The following TTLL12 variants were observed in gnomAD, a reference collection of about 807,000 sequenced individuals.
The protein encoded by TTLL12 is tubulin--tyrosine ligase-like protein 12.
A neutral mutation model predicts 79.6 loss-of-function variants in TTLL12; 77 were observed. The ratio of observed to expected loss-of-function variants is 0.97; its 90% confidence interval spans 0.81 to 1.17. The LOEUF is 1.17. TTLL12 is among the 50% of genes most tolerant of loss of function. The pLI, the probability that TTLL12 is intolerant of heterozygous loss-of-function variation, is 0.00. For missense variants in TTLL12, 969 were observed against 895.9 expected (o/e 1.08, Z -1.04); for synonymous variants, 437 against 376.1 (o/e 1.16, Z -1.87).
Position 43,179,968 on chromosome 22 carries a change from G to T in TTLL12, c.579C>A (p.Ile193=), listed in dbSNP as rs1343352851. ...GGATCCGCGAACCGAACTCGTCCATGATATACCACACCGGCATCTTCTCCT... is the reference window on the plus strand; with the variant it reads ...GGATCCGCGAACCGAACTCGTCCATTATATACCACACCGGCATCTTCTCCT... ...TAEEKMPVWY[I]MDEFGSRIQH... The change falls in exon 4 of 14, where the codon ATC becomes ATA. Residue 193 remains isoleucine, a synonymous_variant. Coordinates refer to ENST00000216129, the MANE Select transcript of TTLL12 (RefSeq NM_015140.4). 1.9e-6 allele frequency: 3 copies of T among 1,607,816 alleles called. No individual in the cohort carries two copies. Among genetic ancestry groups the T allele is most frequent in the Non-Finnish European group, 2.5e-6 (3 of 1,178,898 alleles).
chr22:43,184,767 G>A (rs1038108121), intron 1 of TTLL12, among the ~76,000 whole-genome samples: 1 of 152,208 alleles, frequency 6.6e-6, no homozygotes, highest in Non-Finnish European at 1.5e-5. Flanking sequence ...CTGAGGGTCA[G>A]AGAGCCTGTC....
Position 43,174,619 on chromosome 22 carries a change from T to G in TTLL12, c.918-4A>C. On this transcript the variant is annotated splice_region_variant and splice_polypyrimidine_tract_variant and intron_variant, in intron 6 of 13. Transcript: ENST00000216129. Reference sequence around the variant, plus strand: ...CTGCTGCACGTCCGTGTAGACCCTGTGGGGAGAGCCCGAGCTGGGTGATCC... The same window carrying G: ...CTGCTGCACGTCCGTGTAGACCCTGGGGGGAGAGCCCGAGCTGGGTGATCC... 1 of 1,596,416 alleles carries G rather than the reference T, an allele frequency of 6.3e-7. No individual in the cohort carries two copies. Among genetic ancestry groups the G allele is most frequent in the Non-Finnish European group, 8.6e-7 (1 of 1,169,132 alleles).
intron 1 of TTLL12, among the ~76,000 whole-genome samples, chr22:43,186,194 C>CG (rs1555982116): frequency 2.0e-5 from 3 of 147,574 alleles, no homozygotes; most frequent in South Asian, 2.3e-4. Flanking sequence ...AAAACACCCC[C>CG]CCCCCCGCCA....
At chr22:43,180,049 G>A (rs772806833) in intron 3 of TTLL12, 49 bp from the exon 4 acceptor site, 103 of 1,518,684 alleles carry the variant, frequency 6.8e-5, no homozygotes, top group Admixed American at 2.4e-4. Flanking sequence ...TCCACCCACC[G>A]GAACTCCCTT....
intron 6 of TTLL12, 151 bp downstream of exon 6, chr22:43,176,169 T>C: frequency 1.6e-6 from 1 of 643,092 alleles, no homozygotes; most frequent in African/African-American, 1.8e-5. Flanking sequence ...CTCCACTCCC[T>C]GCACGTGTCA....
chr22:43,168,326 T>G (rs1931670707), intron 13 of TTLL12, among the ~76,000 whole-genome samples, 167 bp from the exon 14 acceptor site: 1 of 151,750 alleles, frequency 6.6e-6, no homozygotes, highest in African/African-American at 2.4e-5. Context: ...TTGACTTTGC[T>G]GGGGAGGCCT....
Position 43,183,141 on chromosome 22 carries a change from G to T in TTLL12, c.186C>A (p.Asp62Glu), listed in dbSNP as rs146360108. The change falls in exon 2 of 14, where the codon GAC becomes GAA. Residue 62 changes from aspartate to glutamate, a missense_variant. Coordinates refer to ENST00000216129, the MANE Select transcript of TTLL12 (RefSeq NM_015140.4). The stretch of plus-strand genomic sequence containing the variant: ...GCATGATCCCAAACACTTCCCCAGC[G>T]TCGAAAACCTGGGGGCCAGAGTTCC... ...LLHKLEHEVFDAGEVFGIMQV... is the reference protein window; with the variant it reads ...LLHKLEHEVFEAGEVFGIMQV... 3.7e-6 allele frequency: 6 copies of T among 1,613,636 alleles called. No individual in the cohort carries two copies. Among genetic ancestry groups the T allele is most frequent in the Non-Finnish European group, 5.1e-6 (6 of 1,179,914 alleles).
chr22:43,186,505 G>A (rs1172343725), intron 1 of TTLL12, among the ~76,000 whole-genome samples: 3 of 152,170 alleles, frequency 2.0e-5, no homozygotes, highest in African/African-American at 7.2e-5. Flanking sequence ...ACAAATTCAC[G>A]GGGTTCCCGT....
intron 1 of TTLL12, among the ~76,000 whole-genome samples, chr22:43,184,567 G>A (rs1318093089): frequency 6.6e-6 from 1 of 152,248 alleles, no homozygotes; most frequent in Non-Finnish European, 1.5e-5. Context: ...CCAGGGTGGA[G>A]CAAACCAGGG....
chr22:43,186,081 TC>T, intron 1 of TTLL12: 1 of 927,742 alleles, frequency 1.1e-6, no homozygotes, highest in Non-Finnish European at 1.3e-6. Context: ...CCGGCCCGGG[TC>T]CCTGTTCTTG....
chr22:43,171,073 C>T (rs564426148), intron 11 of TTLL12, among the ~76,000 whole-genome samples: 45 of 152,316 alleles, frequency 3.0e-4, no homozygotes, highest in African/African-American at 1.4e-4. Context: ...GGGGAGTCCG[C>T]GGCACCTGCA....
intron 3 of TTLL12, among the ~76,000 whole-genome samples, 179 bp downstream of exon 3, chr22:43,180,563 C>T (rs1932029808): frequency 1.3e-5 from 2 of 152,172 alleles, no homozygotes; most frequent in Non-Finnish European, 2.9e-5. Context: ...GGGCTGCGTC[C>T]TGTGAGCTCA....
Position 43,174,190 on chromosome 22 carries a change from T to C in TTLL12, c.1229+19A>G, listed in dbSNP as rs1931839876. 9 of 1,597,754 alleles carry C rather than the reference T, an allele frequency of 5.6e-6. No individual in the cohort carries two copies. Among genetic ancestry groups the C allele is most frequent in the Non-Finnish European group, 6.8e-6 (8 of 1,178,908 alleles). The stretch of plus-strand genomic sequence containing the variant: ...GGAAAAGGGCCATGGAGCACACCGA[T>C]GCCGTGTCTGGGACTTACCACCTTT... On this transcript the variant is annotated intron_variant, in intron 8 of 13. Coordinates refer to ENST00000216129, the MANE Select transcript of TTLL12 (RefSeq NM_015140.4).
chr22:43,176,235 G>A, intron 6 of TTLL12, 85 bp downstream of exon 6: 1 of 1,043,766 alleles, frequency 9.6e-7, no homozygotes, highest in Non-Finnish European at 1.5e-6. Context: ...GCCAAGCACT[G>A]TTCTGGGGCT....
At chr22:43,169,798 C>G in intron 11 of TTLL12, 1 of 622,312 alleles carries the variant, frequency 1.6e-6, no homozygotes. Flanking sequence ...AGCCTGTTTC[C>G]TCCTCTGTGA....
chr22:43,167,847 G>T lies in TTLL12; in HGVS notation c.*161C>A. On this transcript the variant is annotated 3_prime_UTR_variant, in exon 14 of 14. Transcript: ENST00000216129. ...GGTGAGAGGAGGATGCTGTGCTCCC[G>T]GAGTGTGGCGCCGGGAGGATGGCTC... is the stretch of plus-strand genomic sequence containing the variant. The T allele has an allele frequency of 3.6e-6, 3 of 842,452 alleles. No individual in the cohort carries two copies. The highest frequency in any genetic ancestry group is 5.5e-6 in the Non-Finnish European group (3 of 545,068). 52.2% of individuals were successfully genotyped at this position (842,452 alleles called of 1,614,324 possible).
At chr22:43,176,231 C>T in intron 6 of TTLL12, 89 bp downstream of exon 6, 1 of 984,234 alleles carries the variant, frequency 1.0e-6, no homozygotes, top group South Asian at 1.4e-5. Flanking sequence ...ACGTGCCAAG[C>T]ACTGTTCTGG....
In TTLL12 at chr22:43,172,498, C is replaced by G. The variant is rs770937089; in HGVS notation, c.1398G>C (p.Lys466Asn). ...CGATGTAGCGGATGTCGAACTTGAC[C>G]TTTCCCACGTCTTCTCGAAGGAACA... ...PVLFLREDVG[K>N]VKFDIRYIVL... is the part of the protein sequence containing the mutation. The change falls in exon 10 of 14, where the codon AAG becomes AAC. Residue 466 changes from lysine (K) to asparagine (N), a missense_variant. By Grantham distance (94) the Lys-to-Asn change is moderately conservative. Coordinates refer to ENST00000216129, the MANE Select transcript of TTLL12 (RefSeq NM_015140.4). 3.1e-6 allele frequency: 5 copies of G among 1,614,040 alleles called. No individual in the cohort carries two copies. The Admixed American group carries it at 8.3e-5, about 27-fold the overall frequency.
intron 8 of TTLL12, 112 bp from the exon 9 acceptor site, chr22:43,173,938 G>A (rs1310498560): frequency 2.8e-6 from 3 of 1,056,408 alleles, no homozygotes; most frequent in East Asian, 5.2e-5. Context: ...GGGAGCTGAG[G>A]GGGCACCAGA....
Sources: allele counts gnomAD v4.1 joint callset (sites outside exome capture counted in the v4.1 genomes callset), GRCh38; gene constraint gnomAD v4.1.1; transcripts MANE v1.5; gene names NCBI Gene and HGNC (gene_info 2026-07-23, HGNC 2026-07-21).